The following IL1R2 variants were observed in gnomAD, a reference collection of about 807,000 sequenced individuals.
IL1R2 encodes interleukin 1 receptor type 2.
A neutral mutation model predicts 39.5 loss-of-function variants in IL1R2; 46 were observed. The observed-to-expected ratio is 1.16, with a 90% CI of 0.92 to 1.49. The LOEUF is 1.49. Among genes scored for constraint, IL1R2 ranks in the 40% most tolerant of loss-of-function variants. The pLI, the probability that IL1R2 is intolerant of heterozygous loss-of-function variation, is 0.00. For synonymous variants in IL1R2, 207 were observed against 189.6 expected (o/e 1.09, Z -0.75); for missense variants, 537 against 502.0 (o/e 1.07, Z -0.67).
chr2:102,006,543 T>C (rs13408303), intron 1 of IL1R2, among the ~76,000 whole-genome samples: 20,694 of 152,218 alleles, frequency 0.14, 1,510 homozygotes, highest in South Asian at 0.27. Context: ...CTGGATTTAC[T>C]GCAAGTCATT....
chr2:102,024,146 CATT>C (rs1043204716), intron 6 of IL1R2, among the ~76,000 whole-genome samples: 16 of 152,002 alleles, frequency 1.1e-4, no homozygotes, highest in African/African-American at 3.9e-4. Context: ...CCAGGAGAAA[CATT>C]AGAGCCAAGA....
chr2:102,005,712 T>G (rs1025493291), intron 1 of IL1R2, among the ~76,000 whole-genome samples: 3 of 152,210 alleles, frequency 2.0e-5, no homozygotes, highest in African/African-American at 7.2e-5. Context: ...TTTTGTCACA[T>G]GGCCACTCCT....
chr2:102,026,723 A>G (rs1002085602), intron 8 of IL1R2, among the ~76,000 whole-genome samples: 2 of 152,234 alleles, frequency 1.3e-5, no homozygotes, highest in Non-Finnish European at 2.9e-5. Flanking sequence ...GCTACAGCCA[A>G]ATCAACCCAG....
intron 1 of IL1R2, among the ~76,000 whole-genome samples, chr2:101,994,147 G>T (rs926929284): frequency 6.6e-6 from 1 of 152,154 alleles, no homozygotes; most frequent in Non-Finnish European, 1.5e-5. Flanking sequence ...AAGGAAGCTC[G>T]GCTGAATGTT....
In IL1R2 at chr2:102,021,914, T is replaced by G. The variant is rs978941666; in HGVS notation, c.689-273T>G. 9.1e-5 allele frequency: 34 copies of G among 372,174 alleles called. 1 individual carries two copies. In the Admixed American group the frequency reaches 1.0e-3, roughly 11 times the overall value. 23.1% of individuals were successfully genotyped at this position (372,174 alleles called of 1,614,324 possible). On this transcript the variant is annotated intron_variant, in intron 5 of 8. Transcript: ENST00000332549. ...GAAGTCTGGGAGGGAAATGGTTAAT[T>G]GTTTATCATAGAGCAAGGACTGAAG...
intron 3 of IL1R2, 158 bp downstream of exon 3, chr2:102,009,984 C>G (rs775510832): frequency 1.3e-6 from 1 of 781,320 alleles, no homozygotes; most frequent in South Asian, 1.7e-5. Context: ...CCCCCCCCAA[C>G]CCTACAGTCT....
chr2:102,023,906 C>T (rs3218966), intron 6 of IL1R2, among the ~76,000 whole-genome samples: 33,440 of 151,650 alleles, frequency 0.22, 4,334 homozygotes, highest in African/African-American at 0.36. Context: ...AAAAATTAGC[C>T]GGGCGTGGTG....
At chr2:102,007,635 G>T (rs1000938784) in intron 1 of IL1R2, among the ~76,000 whole-genome samples, 1 of 152,180 alleles carries the variant, frequency 6.6e-6, no homozygotes, top group South Asian at 2.1e-4. Context: ...AGAAAAAGCA[G>T]TCTGTGGTCT....
rs749393411 is a variant in IL1R2, at chr2:102,009,841, G to A, written c.332+15G>A. ...TGCACTACTAGGTAAGTCTCCCTGT[G>A]CGGGGCTGGGGAGGGGATCCTGGCA... On this transcript the variant is annotated intron_variant, in intron 3 of 8. Transcript: ENST00000332549. 1 of 1,612,504 alleles carries A rather than the reference G, an allele frequency of 6.2e-7. No homozygotes were observed. The highest frequency in any genetic ancestry group is 1.1e-5 in the South Asian group (1 of 91,058).
chr2:101,992,748 C>CAG (rs537740781), intron 1 of IL1R2, among the ~76,000 whole-genome samples: 67 of 151,364 alleles, frequency 4.4e-4, no homozygotes, highest in African/African-American at 1.2e-3. Flanking sequence ...AACACAGAGA[C>CAG]AGAGAGAGAG....
chr2:102,020,161 A>T (rs1250469431), intron 5 of IL1R2, among the ~76,000 whole-genome samples: 1 of 152,208 alleles, frequency 6.6e-6, no homozygotes. Context: ...AGGTCACCAC[A>T]TGCTGTAACT....
intron 4 of IL1R2, among the ~76,000 whole-genome samples, chr2:102,017,094 G>GT (rs765361458): frequency 6.6e-6 from 1 of 152,040 alleles, no homozygotes; most frequent in South Asian, 2.1e-4. Flanking sequence ...TATTAAAGGA[G>GT]TTTTTTTAAA....
chr2:102,012,554 TGTGCATGTGC>T (rs1559420537), intron 3 of IL1R2, among the ~76,000 whole-genome samples: 1 of 151,814 alleles, frequency 6.6e-6, no homozygotes, highest in Non-Finnish European at 1.5e-5. Context: ...TGTGTGTGTG[TGTGCATGTGC>T]GTGCATGTGT....
Position 102,028,522 on chromosome 2 carries a change from T to C in IL1R2, c.*130T>C, listed in dbSNP as rs547390972. The C allele has an allele frequency of 1.3e-6, 1 of 743,214 alleles. No individual in the cohort carries two copies. Among genetic ancestry groups the C allele is most frequent in the East Asian group, 2.9e-5 (1 of 34,760 alleles). The allele number at this position is 743,214 out of a possible 1,614,324, so 46.0% of individuals were successfully genotyped here. ...AAAGGTGCCACATTTATAGTGGCTTTGTAGTAAAGGACTAAAGTCTTACAT... is the reference window on the plus strand; with the variant it reads ...AAAGGTGCCACATTTATAGTGGCTTCGTAGTAAAGGACTAAAGTCTTACAT... On this transcript the variant is annotated 3_prime_UTR_variant, in exon 9 of 9. Coordinates refer to ENST00000332549, the MANE Select transcript of IL1R2 (RefSeq NM_004633.4).
chr2:102,003,625 G>A (rs1276755820), intron 1 of IL1R2, among the ~76,000 whole-genome samples: 1 of 99,760 alleles, frequency 1.0e-5, no homozygotes, highest in Non-Finnish European at 1.9e-5. Flanking sequence ...CCCTGTCTGT[G>A]TCCCATGTCT....
intron 6 of IL1R2, among the ~76,000 whole-genome samples, chr2:102,022,971 A>G (rs1677494804): frequency 6.6e-6 from 1 of 152,210 alleles, no homozygotes; most frequent in Admixed American, 6.5e-5. Context: ...CCAAAAGGAA[A>G]AAGCCACCCA....
At position 102,009,681 on chromosome 2, in the gene IL1R2, C is replaced by T; in HGVS notation, c.187C>T (p.Pro63Ser). 6.2e-7 allele frequency: 1 copy of T among 1,614,164 alleles called. No individual in the cohort carries two copies. The highest frequency in any genetic ancestry group is 1.1e-5 in the South Asian group (1 of 91,088). Residue 63 changes from proline (P) to serine (S), a missense_variant, in exon 3 of 9, where the codon CCC (proline) becomes TCC (serine). Transcript: ENST00000332549. ...CTACTGGTTGTGGGCCTCTGTCAGCCCCCGCATCAACCTGACATGGCATAA... is the reference window on the plus strand; with the variant it reads ...CTACTGGTTGTGGGCCTCTGTCAGCTCCCGCATCAACCTGACATGGCATAA... ...VPYWLWASVSPRINLTWHKND... is the reference protein window; with the variant it reads ...VPYWLWASVSSRINLTWHKND...
At chr2:101,992,835 G>A (rs1310294293) in intron 1 of IL1R2, among the ~76,000 whole-genome samples, 5 of 152,156 alleles carry the variant, frequency 3.3e-5, no homozygotes, top group Non-Finnish European at 5.9e-5. Flanking sequence ...GCGACTCTCC[G>A]GATTTCTCCA....
At chr2:102,006,203 T>A (rs1338565460) in intron 1 of IL1R2, among the ~76,000 whole-genome samples, 1 of 152,136 alleles carries the variant, frequency 6.6e-6, no homozygotes, top group Admixed American at 6.6e-5. Flanking sequence ...CCAGTATAGT[T>A]GGGGATGTGA....
Sources: allele counts gnomAD v4.1 joint callset (sites outside exome capture counted in the v4.1 genomes callset), GRCh38; gene constraint gnomAD v4.1.1; transcripts MANE v1.5; gene names NCBI Gene and HGNC (gene_info 2026-07-23, HGNC 2026-07-21).